The following ZNF705A variants were observed in gnomAD, a reference collection of about 807,000 sequenced individuals.
ZNF705A encodes zinc finger protein 705A.
A neutral mutation model predicts 16.6 loss-of-function variants in ZNF705A; 8 were observed. That is an observed-to-expected ratio of 0.48 (90% CI 0.28 to 0.87). ZNF705A has a LOEUF of 0.87. ZNF705A is among the 40% of genes least tolerant of loss of function. The pLI is 0.10. For synonymous variants in ZNF705A, 73 were observed against 117.3 expected (o/e 0.62, Z 2.44); for missense variants, 233 against 359.9 (o/e 0.65, Z 2.85).
Position 8,175,105 on chromosome 12 carries a change from G to C in ZNF705A, c.140-123G>C, listed in dbSNP as rs1483049747. Reference sequence around the variant, plus strand: ...GTCCTGGGGAGTTTTCTGTGTTCTAGGTCTTGTGGCCTGAGCTGACCTTCA... The same window carrying C: ...GTCCTGGGGAGTTTTCTGTGTTCTACGTCTTGTGGCCTGAGCTGACCTTCA... On this transcript the variant is annotated intron_variant, in intron 2 of 4. Coordinates refer to ENST00000359286, the Ensembl canonical transcript of ZNF705A. 2.0e-4 allele frequency: 180 copies of C among 892,300 alleles called. No homozygotes were observed. In the East Asian group the frequency reaches 4.6e-3, roughly 23 times the overall value. The allele number at this position is 892,300 out of a possible 1,614,324, so 55.3% of individuals were successfully genotyped here.
chr12:8,165,274 G>GC (rs1159325352), intron 1 of ZNF705A, among the ~76,000 whole-genome samples: 2 of 134,332 alleles, frequency 1.5e-5, no homozygotes, highest in East Asian at 4.3e-4. Flanking sequence ...TCAGATCTTT[G>GC]CCCATTTTTT....
At chr12:8,158,514 A>G (rs1948327030) in intron 1 of ZNF705A, among the ~76,000 whole-genome samples, 1 of 152,142 alleles carries the variant, frequency 6.6e-6, no homozygotes, top group South Asian at 2.1e-4. Context: ...TATAAATGCA[A>G]CATACATATA....
exon 5 of ZNF705A, chr12:8,177,924 A>G (rs1451070887): frequency 2.7e-5 from 10 of 373,594 alleles, no homozygotes; most frequent in Admixed American, 4.4e-5. Flanking sequence ...ACATGTATGT[A>G]CCAAAGACTT....
At chr12:8,167,316 G>A (rs1948407527) in intron 1 of ZNF705A, among the ~76,000 whole-genome samples, 1 of 152,072 alleles carries the variant, frequency 6.6e-6, no homozygotes, top group Admixed American at 6.6e-5. Context: ...TTAACTCTTT[G>A]GTTTCCAACT....
chr12:8,173,731 G>A (rs910716531), intron 1 of ZNF705A, among the ~76,000 whole-genome samples: 2 of 152,188 alleles, frequency 1.3e-5, no homozygotes, highest in South Asian at 2.1e-4. Flanking sequence ...AAGAATGCTG[G>A]AGTCTGGTTC....
chr12:8,172,792 A>T (rs980678135), intron 1 of ZNF705A, among the ~76,000 whole-genome samples, 155 bp downstream of exon 2: 2 of 152,212 alleles, frequency 1.3e-5, no homozygotes. Context: ...TCCAAATGCA[A>T]TCAGGAGGCT....
intron 4 of ZNF705A, among the ~76,000 whole-genome samples, chr12:8,176,712 T>C (rs1948486293): frequency 6.6e-6 from 1 of 152,106 alleles, no homozygotes. Flanking sequence ...GGAATTTCCT[T>C]GTGGGCAAAA....
chr12:8,166,497 A>G (rs1025144487), intron 1 of ZNF705A, among the ~76,000 whole-genome samples: 5 of 152,174 alleles, frequency 3.3e-5, no homozygotes, highest in African/African-American at 1.2e-4. Flanking sequence ...AGGGGAAACC[A>G]GTTTTGCTTG....
At position 8,165,675 on chromosome 12, in the gene ZNF705A, C is replaced by A. The variant is rs760640272; in HGVS notation, c.-71-6880C>A. Among the ~76,000 whole-genome samples the A allele has an allele frequency of 2.6e-5, 4 of 152,114 alleles. No homozygotes were observed. In the East Asian group the frequency reaches 5.8e-4, roughly 22 times the overall value. ...TAGTTTTTCAGGCCTTTGTCCCCAC[C>A]TTCCCTTCCCCCTCTAGTAGTCCCC... On this transcript the variant is annotated intron_variant, in intron 1 of 5. Transcript: ENST00000396570.
chr12:8,172,703 C>T (rs1446298507), intron 1 of ZNF705A, 66 bp downstream of exon 2: 2 of 1,582,902 alleles, frequency 1.3e-6, no homozygotes, highest in African/African-American at 1.3e-5. Context: ...GCATTTTTCT[C>T]CAATTTGCAT....
upstream of ZNF705A, among the ~76,000 whole-genome samples, chr12:8,170,188 C>A (rs868839762): frequency 1.6e-4 from 18 of 114,982 alleles, no homozygotes; most frequent in South Asian, 3.4e-3. Flanking sequence ...AAACTCTCCC[C>A]CCCCCCCCAA....
In ZNF705A at chr12:8,175,938, C is replaced by A. The variant is rs778398314; in HGVS notation, c.314C>A (p.Thr105Lys). ...AGAAAAGACGCATCCACCAGTATGA[C>A]AATGGTAAGTTTTATAGCTGTGTAC... Residue 105 changes from threonine (T) to lysine (K), a missense_variant, in exon 4 of 5, where the codon ACA becomes AAA. Thr to Lys is a moderately conservative substitution (Grantham distance 78). Around this residue, in one of 3 missense-constraint regions of ZNF705A, gnomAD observed 220 missense variants for 271.4 expected, o/e 0.81. Transcript: ENST00000359286. The A allele has an allele frequency of 2.1e-5, 34 of 1,611,188 alleles. No homozygotes were observed. In the Admixed American group the frequency reaches 3.3e-4, roughly 16 times the overall value.
upstream of ZNF705A, chr12:8,168,977 G>A (rs146772712): frequency 2.8e-3 from 426 of 152,018 alleles, 1 homozygote; most frequent in African/African-American, 9.4e-3. Context: ...GTACTTTTAC[G>A]TACTATATTC....
upstream of ZNF705A, among the ~76,000 whole-genome samples, chr12:8,170,847 AT>A (rs775071704): frequency 6.6e-6 from 1 of 152,184 alleles, no homozygotes; most frequent in Non-Finnish European, 1.5e-5. Flanking sequence ...AAAAAAGTTG[AT>A]ATTGAAAAGT....
Position 8,176,946 on chromosome 12 carries a change from T to A in ZNF705A, c.319-53T>A, listed in dbSNP as rs201339443. The A allele has an allele frequency of 3.6e-3, 5,723 of 1,570,286 alleles. 36 individuals carry two copies. Among genetic ancestry groups the A allele is most frequent in the Non-Finnish European group, 3.6e-3 (4,154 of 1,146,336 alleles). The stretch of plus-strand genomic sequence containing the variant: ...TAGGATTCAAAGGTAGTGAAATGAA[T>A]GTATAGATATATGTGGGTAAACCAT... On this transcript the variant is annotated intron_variant, in intron 4 of 4. Coordinates refer to ENST00000359286, the Ensembl canonical transcript of ZNF705A.
At chr12:8,168,433 G>T (rs1172901908), upstream of ZNF705A, among the ~76,000 whole-genome samples, 10 of 152,216 alleles carry the variant, frequency 6.6e-5, 3 homozygotes, top group African/African-American at 2.4e-4. Context: ...ACATTTTATT[G>T]TGTGAATTGT....
chr12:8,163,355 T>C (rs183839221), intron 1 of ZNF705A, among the ~76,000 whole-genome samples: 1 of 152,226 alleles, frequency 6.6e-6, no homozygotes, highest in Non-Finnish European at 1.5e-5. Context: ...CATTAAATAA[T>C]GTAAACTTTC....
upstream of ZNF705A, among the ~76,000 whole-genome samples, chr12:8,171,157 T>C (rs948953127): frequency 6.6e-6 from 1 of 152,248 alleles, no homozygotes; most frequent in Admixed American, 6.5e-5. Flanking sequence ...AGGAAATATA[T>C]GTACATCTGT....
chr12:8,179,634 T>C (rs1205331601), exon 5 of ZNF705A: 1 of 152,196 alleles, frequency 6.6e-6, no homozygotes, highest in African/African-American at 2.4e-5. Flanking sequence ...TCTCCACAAG[T>C]GATTGATTTT....
Sources: gnomAD v4.1 joint callset for allele counts (sites outside exome capture counted in the v4.1 genomes callset) on GRCh38, gnomAD v4.1.1 for gene constraint, gnomAD v4.1.1 regional missense constraint, MANE v1.5 for transcripts, NCBI Gene and HGNC (gene_info 2026-07-23, HGNC 2026-07-21) for gene names.